The following ATG101 variants were observed in gnomAD, a reference collection of about 807,000 sequenced individuals.
The protein encoded by ATG101 is autophagy-related protein 101.
ATG101 carries 6 observed loss-of-function variants against 16.7 expected under a neutral mutation model. The ratio of observed to expected loss-of-function variants is 0.36; its 90% CI spans 0.20 to 0.71. The LOEUF is 0.71. Among genes scored for constraint, ATG101 ranks in the 30% least tolerant of loss-of-function variants. The pLI is 0.57. For synonymous variants in ATG101, 108 were observed against 118.1 expected (o/e 0.91, Z 0.56); for missense variants, 200 against 292.5 (o/e 0.68, Z 2.31).
chr12:52,071,537 A>G (rs750800657), intron 2 of ATG101: 1 of 152,230 alleles, frequency 6.6e-6, no homozygotes, highest in African/African-American at 2.4e-5. Context: ...CTTCAGCAGA[A>G]AGAATAACTG....
At chr12:52,074,552 C>T (rs563523122) in intron 3 of ATG101, among the ~76,000 whole-genome samples, 4 of 151,686 alleles carry the variant, frequency 2.6e-5, no homozygotes, top group Admixed American at 1.3e-4. Flanking sequence ...GACACAGTCT[C>T]ACTATGTCAC....
At chr12:52,067,825 A>T (rs975274528), upstream of ATG101, among the ~76,000 whole-genome samples, 49 of 150,192 alleles carry the variant, frequency 3.3e-4, no homozygotes, top group African/African-American at 1.2e-3. Flanking sequence ...CGAACTCATG[A>T]CCTCAAATGA....
At chr12:52,067,049 C>T (rs1939558392), upstream of ATG101, among the ~76,000 whole-genome samples, 1 of 152,140 alleles carries the variant, frequency 6.6e-6, no homozygotes, top group African/African-American at 2.4e-5. Context: ...GCACCCACAC[C>T]TGGGATAAGA....
chr12:52,067,575 C>T (rs1249770267), upstream of ATG101, among the ~76,000 whole-genome samples: 2 of 152,028 alleles, frequency 1.3e-5, no homozygotes, highest in African/African-American at 4.8e-5. Flanking sequence ...TTAACCTCTC[C>T]CCAGTCACTT....
chr12:52,076,810 G>T lies in ATG101; in HGVS notation c.277G>T (p.Asp93Tyr), dbSNP rs780497965. Residue 93 changes from aspartate to tyrosine, a missense_variant, in exon 4 of 4, where the codon GAT becomes TAT. Asp to Tyr is a radical substitution (Grantham distance 160). Transcript: ENST00000336854. ...GGATGCACTGCGCAACTCTGGTGGC[G>T]ATGGGCTGGGGCAGATGTCCTTGGA... ...FKDALRNSGG[D>Y]GLGQMSLEFY... 1 of 1,614,180 alleles carries T rather than the reference G, an allele frequency of 6.2e-7. No homozygotes were observed.
rs1939753187 is a variant in ATG101 at position 52,077,483 on chromosome 12, G to A, written c.*293G>A. 2.6e-6 allele frequency: 1 copy of A among 384,418 alleles called. No individual in the cohort carries two copies. The highest frequency in any genetic ancestry group is 4.7e-6 in the Non-Finnish European group (1 of 211,956). 23.8% of individuals were successfully genotyped at this position (384,418 alleles called of 1,614,324 possible). ...GGATGGGGAATAAAGTTGAGAACAT[G>A]AGTTTGGGCTGAGCCATCTCTCCCT... On this transcript the variant is annotated 3_prime_UTR_variant, in exon 4 of 4. Coordinates refer to ENST00000336854, the MANE Select transcript of ATG101 (RefSeq NM_021934.5).
intron 3 of ATG101, among the ~76,000 whole-genome samples, chr12:52,074,879 A>AGCCTTGGAATTCCTAGGCAAG (rs1348756060): frequency 2.6e-5 from 4 of 152,178 alleles, no homozygotes; most frequent in Admixed American, 1.3e-4. Context: ...GGATTGCTTG[A>AGCCTTGGAATTCCTAGGCAAG]GCCTAGGAAT....
In ATG101 at chr12:52,077,319, C is replaced by A; in HGVS notation, c.*129C>A. 9.0e-7 allele frequency: 1 copy of A among 1,108,220 alleles called. No homozygotes were observed. The highest frequency in any genetic ancestry group is 1.6e-5 in the South Asian group (1 of 61,668). The allele number at this position is 1,108,220 out of a possible 1,614,324, so 68.6% of individuals were successfully genotyped here. A position where few individuals can be genotyped will look rare whatever the true frequency, so the allele number is the denominator to read the frequency against. Reference sequence around the variant, plus strand: ...TGAGACTTGGAAGGGGCAGCCCCCGCTGGCTTCTTGGTTTTGTGGTTGCCA... The same window carrying A: ...TGAGACTTGGAAGGGGCAGCCCCCGATGGCTTCTTGGTTTTGTGGTTGCCA... On this transcript the variant is annotated 3_prime_UTR_variant, in exon 4 of 4. Transcript: ENST00000336854.
upstream of ATG101, among the ~76,000 whole-genome samples, chr12:52,069,020 A>AAAAAAAAAAAAAAAAC (rs1939591842): frequency 6.9e-6 from 1 of 144,544 alleles, no homozygotes; most frequent in South Asian, 2.2e-4. Flanking sequence ...AAAAAAAAAA[A>AAAAAAAAAAAAAAAAC]AATACTGCCT....
At position 52,073,565 on chromosome 12, in the gene ATG101, C is replaced by G. The variant is rs1939683090; in HGVS notation, c.-76-10C>G. On this transcript the variant is annotated splice_polypyrimidine_tract_variant and intron_variant, in intron 2 of 3. Coordinates refer to ENST00000336854, the MANE Select transcript of ATG101 (RefSeq NM_021934.5). ...TCTTGTCAGCATTCTGACCTGGGCT[C>G]CTTTTGCAGGGTGGCCCTTGGGTAG... 1.4e-5 allele frequency: 21 copies of G among 1,515,450 alleles called. No homozygotes were observed. The highest frequency in any genetic ancestry group is 3.8e-5 in the Admixed American group (2 of 52,122). The allele number at this position is 1,515,450 out of a possible 1,614,324, so 93.9% of individuals were successfully genotyped here.
intron 3 of ATG101, 65 bp downstream of exon 3, chr12:52,073,967 C>T: frequency 6.3e-7 from 1 of 1,579,698 alleles, no homozygotes; most frequent in Admixed American, 1.7e-5. Context: ...GCCTCGAGTG[C>T]TCCTCCACTC....
intron 3 of ATG101, among the ~76,000 whole-genome samples, chr12:52,076,379 G>A (rs771662687): frequency 7.9e-5 from 12 of 152,192 alleles, no homozygotes; most frequent in Non-Finnish European, 1.6e-4. Flanking sequence ...GCCATCCATA[G>A]GCATGTGACT....
chr12:52,069,787 C>T (rs1939608911), upstream of ATG101: 1 of 152,256 alleles, frequency 6.6e-6, no homozygotes, highest in Admixed American at 6.5e-5. Flanking sequence ...CTCTTAAAAT[C>T]CGAGACATAA....
intron 3 of ATG101, among the ~76,000 whole-genome samples, chr12:52,076,343 A>G (rs1939729902): frequency 1.3e-5 from 2 of 152,192 alleles, no homozygotes; most frequent in Admixed American, 6.5e-5. Context: ...TAGAAATCAG[A>G]CAATCCAGAT....
chr12:52,070,548 CG>C, intron 2 of ATG101, 65 bp downstream of exon 2: 1 of 152,578 alleles, frequency 6.6e-6, no homozygotes, highest in Non-Finnish European at 1.5e-5. Flanking sequence ...CTCTGCCACT[CG>C]GGGGGACAAG....
At chr12:52,071,098 TAG>T (rs1488640857) in intron 2 of ATG101, 1 of 152,172 alleles carries the variant, frequency 6.6e-6, no homozygotes, top group African/African-American at 2.4e-5. Flanking sequence ...TGCCTAGTGG[TAG>T]AGACAAAAAC....
upstream of ATG101, among the ~76,000 whole-genome samples, chr12:52,068,510 C>T (rs1303555641): frequency 2.6e-5 from 4 of 152,174 alleles, no homozygotes; most frequent in Middle Eastern, 3.4e-3. Context: ...TACACCAACA[C>T]GCCCAGCTAA....
chr12:52,068,822 TA>T (rs947668868), upstream of ATG101, among the ~76,000 whole-genome samples: 3 of 150,030 alleles, frequency 2.0e-5, no homozygotes, highest in East Asian at 2.0e-4. Flanking sequence ...CCGTCTCTAC[TA>T]AAAAAAATAC....
At chr12:52,073,942 G>A in intron 3 of ATG101, 40 bp downstream of exon 3, 1 of 1,603,034 alleles carries the variant, frequency 6.2e-7, no homozygotes, top group Non-Finnish European at 8.5e-7. Context: ...GTGTGGCATA[G>A]CAGATGGCAG....
Sources: gnomAD v4.1 joint callset for allele counts (sites outside exome capture counted in the v4.1 genomes callset) on GRCh38, gnomAD v4.1.1 for gene constraint, MANE v1.5 for transcripts, NCBI Gene and HGNC (gene_info 2026-07-23, HGNC 2026-07-21) for gene names.